CRKL: variants seen among roughly 807,000 people sequenced by gnomAD.
CRKL encodes the protein CRK like proto-oncogene, adaptor protein, also known as crk-like protein.
Under a neutral mutation model 23.0 loss-of-function variants are expected in CRKL, and 3 were observed. The observed-to-expected ratio is 0.13, with a 90% CI of 0.06 to 0.34. The LOEUF is 0.34. Ranked by LOEUF, CRKL falls within the 10% of genes least tolerant of loss-of-function variation. The probability of loss-of-function intolerance (pLI) is 1.00; values close to 1 mark genes in which losing one functional copy is unlikely to be tolerated. For synonymous variants in CRKL, 188 were observed against 160.7 expected (o/e 1.17, Z -1.28); for missense variants, 256 against 394.5 (o/e 0.65, Z 2.97).
intron 1 of CRKL, among the ~76,000 whole-genome samples, chr22:20,926,507 G>A (rs1921207986): frequency 6.6e-6 from 1 of 152,116 alleles, no homozygotes; most frequent in Admixed American, 6.6e-5. Context: ...AGGGATTAGG[G>A]TGGGTGCGTG....
chr22:20,935,274 G>T (rs966974459), intron 2 of CRKL, among the ~76,000 whole-genome samples: 1 of 151,872 alleles, frequency 6.6e-6, no homozygotes, highest in South Asian at 2.1e-4. Flanking sequence ...CACCATGCCC[G>T]TCGAATTTTT....
At chr22:20,942,621 GTT>G (rs1445128278) in intron 2 of CRKL, among the ~76,000 whole-genome samples, 1 of 151,682 alleles carries the variant, frequency 6.6e-6, no homozygotes, top group African/African-American at 2.4e-5. Flanking sequence ...GTAATTCTGT[GTT>G]TAGCTTTTTT....
At chr22:20,927,605 A>G in intron 1 of CRKL, among the ~76,000 whole-genome samples, 1 of 149,250 alleles carries the variant, frequency 6.7e-6, no homozygotes, top group East Asian at 2.1e-4. Flanking sequence ...CACATTGGGA[A>G]GCCAAGACAG....
intron 2 of CRKL, among the ~76,000 whole-genome samples, chr22:20,934,573 A>T (rs1420219333): frequency 6.6e-6 from 1 of 151,726 alleles, no homozygotes; most frequent in Non-Finnish European, 1.5e-5. Context: ...GTTCTGTCCT[A>T]TTCCTTGTTT....
At chr22:20,928,804 T>C (rs1283169796) in intron 1 of CRKL, among the ~76,000 whole-genome samples, 1 of 89,412 alleles carries the variant, frequency 1.1e-5, no homozygotes, top group Admixed American at 1.8e-4. Flanking sequence ...CAGAACGAGA[T>C]CCCATCTCAA....
rs1034579377 is a variant in CRKL, at chr22:20,949,812, C to G, written c.879C>G (p.Ile293Met). 10 of 1,610,298 alleles carry G rather than the reference C, an allele frequency of 6.2e-6. No individual in the cohort carries two copies. The highest frequency in any genetic ancestry group is 8.5e-6 in the Non-Finnish European group (10 of 1,178,728). Residue 293 changes from isoleucine (I) to methionine (M), a missense_variant, in exon 3 of 3, where the codon ATC becomes ATG. Around this residue, in one of 3 missense-constraint regions of CRKL, gnomAD observed 129 missense variants for 222.1 expected, o/e 0.58. Transcript: ENST00000354336. Reference protein sequence around the residue: ...KGLFPFTHVKIFDPQNPDENE With the variant: ...KGLFPFTHVKMFDPQNPDENE ...TTTTCCCCTTTACGCACGTCAAAATCTTTGACCCTCAAAACCCAGATGAAA... is the reference window on the plus strand; with the variant it reads ...TTTTCCCCTTTACGCACGTCAAAATGTTTGACCCTCAAAACCCAGATGAAA...
At chr22:20,940,267 G>A (rs1396653384) in intron 2 of CRKL, among the ~76,000 whole-genome samples, 1 of 152,108 alleles carries the variant, frequency 6.6e-6, no homozygotes, top group African/African-American at 2.4e-5. Context: ...GGCGTGACTT[G>A]TTCTTGGTGG....
intron 1 of CRKL, among the ~76,000 whole-genome samples, chr22:20,931,157 A>G (rs1921436938): frequency 1.3e-5 from 2 of 152,138 alleles, no homozygotes. Context: ...TGTAATCCCA[A>G]CACTTTGGGA....
chr22:20,941,953 C>G (rs564546401), intron 2 of CRKL, among the ~76,000 whole-genome samples: 4 of 152,220 alleles, frequency 2.6e-5, no homozygotes, highest in African/African-American at 9.6e-5. Context: ...CAGGGCCTGT[C>G]CCATCCTGGT....
At chr22:20,937,442 G>T (rs1293672970) in intron 2 of CRKL, among the ~76,000 whole-genome samples, 1 of 148,990 alleles carries the variant, frequency 6.7e-6, no homozygotes, top group Non-Finnish European at 1.5e-5. Flanking sequence ...CTGGCTCTAG[G>T]ATGTGTGTTT....
Position 20,917,412 on chromosome 22 carries a change from C to A in CRKL, c.-523C>A. On this transcript the variant is annotated 5_prime_UTR_variant, in exon 1 of 3. Transcript: ENST00000354336. ...AGCCGGGGCCCAGCGCGTGCGCAGACGGAGCGCGCTGAGCGGAGGGGGAGG... is the reference window on the plus strand; with the variant it reads ...AGCCGGGGCCCAGCGCGTGCGCAGAAGGAGCGCGCTGAGCGGAGGGGGAGG... 4.5e-6 allele frequency: 1 copy of A among 220,164 alleles called. No individual in the cohort carries two copies. The highest frequency in any genetic ancestry group is 9.1e-6 in the Non-Finnish European group (1 of 109,418). 13.6% of individuals were successfully genotyped at this position (220,164 alleles called of 1,614,324 possible).
chr22:20,939,398 G>C (rs562500545), intron 2 of CRKL, among the ~76,000 whole-genome samples: 2 of 96,102 alleles, frequency 2.1e-5, no homozygotes, highest in Admixed American at 1.1e-4. Flanking sequence ...CTGCCACCAC[G>C]CCCGGCTAAT....
chr22:20,930,251 G>A (rs777691967), intron 1 of CRKL, among the ~76,000 whole-genome samples: 2 of 152,162 alleles, frequency 1.3e-5, no homozygotes, highest in Admixed American at 6.5e-5. Context: ...TCAGCAAACT[G>A]TTGAGTAAAG....
At chr22:20,943,610 G>C (rs1921954047) in intron 2 of CRKL, among the ~76,000 whole-genome samples, 1 of 152,188 alleles carries the variant, frequency 6.6e-6, no homozygotes, top group Non-Finnish European at 1.5e-5. Flanking sequence ...TAAGGTTTCA[G>C]AGTCTTTCTT....
intron 1 of CRKL, among the ~76,000 whole-genome samples, chr22:20,927,128 A>AAAAAAAAAAAAAG (rs1555918902): frequency 7.9e-5 from 10 of 125,810 alleles, no homozygotes; most frequent in East Asian, 3.1e-4. Flanking sequence ...AAAAAAAAAA[A>AAAAAAAAAAAAAG]AAAAAAAAGA....
intron 1 of CRKL, among the ~76,000 whole-genome samples, chr22:20,924,143 A>C (rs927137796): frequency 1.3e-5 from 2 of 152,206 alleles, no homozygotes; most frequent in African/African-American, 2.4e-5. Flanking sequence ...AGCTATGATC[A>C]TGCCACTGCA....
Position 20,951,258 on chromosome 22 carries a change from C to A in CRKL, c.*1413C>A, listed in dbSNP as rs370284592. On this transcript the variant is annotated 3_prime_UTR_variant, in exon 3 of 3. Coordinates refer to ENST00000354336, the MANE Select transcript of CRKL (RefSeq NM_005207.4). ...GTTGGTGCTGCTCATACTGGTCTCA[C>A]AGTCTAAGTAAGTGTCTGTGATGCT... is the stretch of plus-strand genomic sequence containing the variant. 20 of 232,644 alleles carry A rather than the reference C, an allele frequency of 8.6e-5. No individual in the cohort carries two copies. The South Asian group carries it at 3.1e-3, about 36-fold the overall frequency. The allele number at this position is 232,644 out of a possible 1,614,324, so 14.4% of individuals were successfully genotyped here.
In CRKL at chr22:20,950,500, G is replaced by T. The variant is rs184656524; in HGVS notation, c.*655G>T. 19 of 228,722 alleles carry T rather than the reference G, an allele frequency of 8.3e-5. No homozygotes were observed. The highest frequency in any genetic ancestry group is 1.3e-3 in the Middle Eastern group (1 of 764). The allele number at this position is 228,722 out of a possible 1,614,324, so 14.2% of individuals were successfully genotyped here. On this transcript the variant is annotated 3_prime_UTR_variant, in exon 3 of 3. Transcript: ENST00000354336. ...GCAATCTCGCCTTCCTGCAGTCTCCGCCTCCTGAGTTCAAGCGATTCTCCT... is the reference window on the plus strand; with the variant it reads ...GCAATCTCGCCTTCCTGCAGTCTCCTCCTCCTGAGTTCAAGCGATTCTCCT...
At chr22:20,920,459 G>A (rs962861825) in intron 1 of CRKL, among the ~76,000 whole-genome samples, 17 of 151,412 alleles carry the variant, frequency 1.1e-4, no homozygotes, top group Middle Eastern at 6.8e-3. Context: ...CCGAGATCGC[G>A]CCACTGCACA....
Sources: gnomAD v4.1 joint callset for allele counts (sites outside exome capture counted in the v4.1 genomes callset) on GRCh38, gnomAD v4.1.1 for gene constraint, gnomAD v4.1.1 regional missense constraint, MANE v1.5 for transcripts, NCBI Gene and HGNC (gene_info 2026-07-23, HGNC 2026-07-21) for gene names.